The following PLCB1 variants were observed in gnomAD, a reference collection of about 807,000 sequenced individuals.
PLCB1 encodes phospholipase C beta 1.
Under a neutral mutation model 161.8 loss-of-function variants are expected in PLCB1, and 46 were observed. That is an observed-to-expected ratio of 0.28 (90% CI 0.22 to 0.36). The LOEUF (loss-of-function observed/expected upper bound fraction) is 0.36, where lower values mean the gene tolerates loss of function less well. Ranked by LOEUF, PLCB1 falls within the 10% of genes least tolerant of loss-of-function variation. The probability of loss-of-function intolerance (pLI) is 1.00; values close to 1 mark genes in which losing one functional copy is unlikely to be tolerated. For synonymous variants in PLCB1, 517 were observed against 503.7 expected (o/e 1.03, Z -0.35); for missense variants, 1,016 against 1,472.5 (o/e 0.69, Z 5.07).
chr20:8,226,832 C>T (rs1192236886), intron 2 of PLCB1, among the ~76,000 whole-genome samples: 1 of 151,806 alleles, frequency 6.6e-6, no homozygotes, highest in Non-Finnish European at 1.5e-5. Context: ...AGATTACAGG[C>T]ACCTGCCACT....
At chr20:8,628,125 C>T (rs1988413714) in intron 3 of PLCB1, among the ~76,000 whole-genome samples, 169 bp from the exon 4 acceptor site, 1 of 152,160 alleles carries the variant, frequency 6.6e-6, no homozygotes, top group South Asian at 2.1e-4. Flanking sequence ...CAAGTTGCTT[C>T]ATCTCTCTAG....
intron 2 of PLCB1, among the ~76,000 whole-genome samples, chr20:8,217,827 T>A (rs892952197): frequency 1.3e-5 from 2 of 152,084 alleles, no homozygotes; most frequent in Non-Finnish European, 2.9e-5. Flanking sequence ...GGGTTCCTGA[T>A]TAAAAGGATG....
chr20:8,759,466 T>A (rs1981904098), intron 24 of PLCB1, among the ~76,000 whole-genome samples: 1 of 152,228 alleles, frequency 6.6e-6, no homozygotes, highest in Non-Finnish European at 1.5e-5. Context: ...CAGTTATTAC[T>A]GCCTAGTGGT....
intron 3 of PLCB1, among the ~76,000 whole-genome samples, chr20:8,417,056 T>C (rs564642617): frequency 5.1e-3 from 256 of 49,798 alleles, no homozygotes; most frequent in South Asian, 0.019. Context: ...CACACACACA[T>C]ATATATATAT....
intron 23 of PLCB1, among the ~76,000 whole-genome samples, chr20:8,742,261 A>G (rs985914952): frequency 1.3e-5 from 2 of 152,164 alleles, no homozygotes; most frequent in African/African-American, 4.8e-5. Flanking sequence ...TATTAAAAAT[A>G]GTGATAAAAA....
At chr20:8,787,157 G>T (rs1203097491) in intron 27 of PLCB1, among the ~76,000 whole-genome samples, 1 of 152,328 alleles carries the variant, frequency 6.6e-6, no homozygotes, top group Non-Finnish European at 1.5e-5. Flanking sequence ...GGAGGACAGG[G>T]TTTTATTGTG....
intron 3 of PLCB1, among the ~76,000 whole-genome samples, chr20:8,399,664 T>A (rs1298038143): frequency 6.6e-6 from 1 of 152,184 alleles, no homozygotes; most frequent in Non-Finnish European, 1.5e-5. Context: ...AAAAACTATT[T>A]TTCCCTAAGA....
Position 8,726,683 on chromosome 20 carries a change from T to A in PLCB1, c.1679-626T>A, listed in dbSNP as rs1555212. ...ATTACCCCCACTTGGTAACCCCCCCTTGACACTGTGGGTATTACAATTCAA... is the reference window on the plus strand; with the variant it reads ...ATTACCCCCACTTGGTAACCCCCCCATGACACTGTGGGTATTACAATTCAA... On this transcript the variant is annotated intron_variant, in intron 16 of 31. Coordinates refer to ENST00000338037, the MANE Select transcript of PLCB1 (RefSeq NM_015192.4). 5.9e-5 allele frequency among the ~76,000 whole-genome samples: 9 copies of A among 151,836 alleles called. No homozygotes were observed. The South Asian group carries it at 1.7e-3, about 28-fold the overall frequency.
intron 3 of PLCB1, among the ~76,000 whole-genome samples, chr20:8,511,110 T>C (rs1983869855): frequency 1.3e-5 from 2 of 152,302 alleles, no homozygotes; most frequent in Admixed American, 6.5e-5. Flanking sequence ...ACTGAAACTT[T>C]GTACCTTTTG....
intron 2 of PLCB1, among the ~76,000 whole-genome samples, chr20:8,358,429 T>G (rs1299322194): frequency 6.6e-6 from 1 of 152,070 alleles, no homozygotes; most frequent in Non-Finnish European, 1.5e-5. Context: ...TTTTTGTATT[T>G]TTGTACAGAT....
chr20:8,429,648 C>G (rs1397788553), intron 3 of PLCB1, among the ~76,000 whole-genome samples: 1 of 151,886 alleles, frequency 6.6e-6, no homozygotes, highest in Non-Finnish European at 1.5e-5. Context: ...GCATTTTTTA[C>G]TGAGGAGCAT....
intron 2 of PLCB1, among the ~76,000 whole-genome samples, chr20:8,290,174 T>A (rs1319517836): frequency 1.3e-5 from 2 of 152,192 alleles, no homozygotes; most frequent in African/African-American, 4.8e-5. Context: ...AAATTGATTT[T>A]GCTTTTGAGG....
At chr20:8,465,578 T>C (rs1465704475) in intron 3 of PLCB1, among the ~76,000 whole-genome samples, 1 of 152,156 alleles carries the variant, frequency 6.6e-6, no homozygotes, top group Non-Finnish European at 1.5e-5. Flanking sequence ...AAGCTCATGG[T>C]TGCCAAGACT....
At chr20:8,861,319 C>T (rs1987245663) in intron 31 of PLCB1, among the ~76,000 whole-genome samples, 1 of 152,226 alleles carries the variant, frequency 6.6e-6, no homozygotes, top group Non-Finnish European at 1.5e-5. Context: ...AAGAATCATA[C>T]ACTTATTATG....
At chr20:8,320,564 A>G (rs934883267) in intron 2 of PLCB1, among the ~76,000 whole-genome samples, 7 of 152,154 alleles carry the variant, frequency 4.6e-5, no homozygotes, top group Non-Finnish European at 1.0e-4. Context: ...TAGGGTTTCC[A>G]TATGTGGTCA....
chr20:8,391,785 GTATATATATATATATATA>G (rs374178427), intron 3 of PLCB1, among the ~76,000 whole-genome samples: 1,285 of 115,148 alleles, frequency 0.011, 32 homozygotes, highest in African/African-American at 0.038. Flanking sequence ...ATATGTGTGT[GTATATATATATATATATA>G]TATATATATA....
intron 3 of PLCB1, among the ~76,000 whole-genome samples, chr20:8,508,208 T>G (rs1983721445): frequency 6.6e-6 from 1 of 152,182 alleles, no homozygotes; most frequent in African/African-American, 2.4e-5. Flanking sequence ...ATATTGCATG[T>G]ATAGAAAAGG....
intron 2 of PLCB1, among the ~76,000 whole-genome samples, chr20:8,337,693 A>G (rs1160035967): frequency 6.6e-6 from 1 of 152,204 alleles, no homozygotes; most frequent in Non-Finnish European, 1.5e-5. Context: ...TGGGATTTCA[A>G]TGTTGGTTTG....
chr20:8,846,014 A>G (rs1468555633), intron 31 of PLCB1, among the ~76,000 whole-genome samples: 1 of 152,198 alleles, frequency 6.6e-6, no homozygotes, highest in Non-Finnish European at 1.5e-5. Context: ...AGGAATTGCA[A>G]CTATTGTATT....
Sources: allele counts gnomAD v4.1 joint callset (sites outside exome capture counted in the v4.1 genomes callset), GRCh38; gene constraint gnomAD v4.1.1; transcripts MANE v1.5; gene names NCBI Gene and HGNC (gene_info 2026-07-23, HGNC 2026-07-21).